ZDHHC17: variants seen among roughly 807,000 people sequenced by gnomAD.
ZDHHC17 encodes the protein palmitoyltransferase ZDHHC17.
Under a neutral mutation model 90.3 loss-of-function variants are expected in ZDHHC17, and 40 were observed. The ratio of observed to expected loss-of-function variants is 0.44; its 90% confidence interval spans 0.34 to 0.58. The LOEUF (loss-of-function observed/expected upper bound fraction) is 0.58. Among genes scored for constraint, ZDHHC17 ranks in the 20% least tolerant of loss-of-function variants. ZDHHC17 has a pLI of 0.01. For synonymous variants in ZDHHC17, 235 were observed against 252.4 expected, an observed-to-expected ratio of 0.93 and a Z score of 0.65; for missense variants, 614 against 780.8, an observed-to-expected ratio of 0.79 and a Z score of 2.55.
intron 10 of ZDHHC17, among the ~76,000 whole-genome samples, chr12:76,833,749 C>T (rs1446526279): frequency 3.3e-5 from 5 of 152,086 alleles, no homozygotes; most frequent in Non-Finnish European, 5.9e-5. Flanking sequence ...GCCGAGATTG[C>T]GCCACTGCAC....
intron 3 of ZDHHC17, among the ~76,000 whole-genome samples, chr12:76,806,130 C>G (rs889994995): frequency 6.6e-6 from 1 of 152,118 alleles, no homozygotes; most frequent in Non-Finnish European, 1.5e-5. Context: ...GGTTCTTACT[C>G]TCTCACTCAG....
In ZDHHC17 at chr12:76,797,477, C is replaced by T; in HGVS notation, c.137C>T (p.Pro46Leu). 6.2e-7 allele frequency: 1 copy of T among 1,610,858 alleles called. No individual in the cohort carries two copies. ...QSHYNHGYGE[P>L]LGRKTHIDDY... The stretch of plus-strand genomic sequence containing the variant: ...CATTATAACCATGGATATGGTGAAC[C>T]TCTTGGACGGAAAACTCATATTGAT... Residue 46 changes from proline (P) to leucine (L), a missense_variant, in exon 2 of 17, where the codon CCT becomes CTT. Around this residue, in one of 5 missense-constraint regions of ZDHHC17, gnomAD observed 358 missense variants for 380.4 expected, o/e 0.94. Transcript: ENST00000426126.
At chr12:76,782,082 C>T (rs563335469) in intron 1 of ZDHHC17, among the ~76,000 whole-genome samples, 1 of 152,120 alleles carries the variant, frequency 6.6e-6, no homozygotes, top group Non-Finnish European at 1.5e-5. Context: ...AACTTTAGCA[C>T]CTCCAGCCTA....
chr12:76,802,571 C>T (rs1386189628), intron 2 of ZDHHC17, among the ~76,000 whole-genome samples: 3 of 152,184 alleles, frequency 2.0e-5, no homozygotes, highest in Admixed American at 6.5e-5. Flanking sequence ...TGTTGTTCTA[C>T]TTAATGGTGT....
At chr12:76,828,228 A>G (rs1846188599) in intron 9 of ZDHHC17, among the ~76,000 whole-genome samples, 162 bp from the exon 10 acceptor site, 1 of 152,142 alleles carries the variant, frequency 6.6e-6, no homozygotes, top group African/African-American at 2.4e-5. Flanking sequence ...TCAGCTGTGA[A>G]CTAATTTTTA....
intron 10 of ZDHHC17, chr12:76,839,960 G>C (rs927102515): frequency 6.6e-6 from 1 of 152,144 alleles, no homozygotes. Flanking sequence ...TGGCGAGGCC[G>C]AATAGCATAG....
At chr12:76,766,132 A>G (rs893171084) in intron 1 of ZDHHC17, among the ~76,000 whole-genome samples, 4 of 152,368 alleles carry the variant, frequency 2.6e-5, no homozygotes, top group Non-Finnish European at 5.9e-5. Flanking sequence ...AATGGCCAGT[A>G]TAGGCTTGAA....
intron 6 of ZDHHC17, 59 bp downstream of exon 6, chr12:76,815,269 AAGAG>A: frequency 8.2e-7 from 1 of 1,219,638 alleles, no homozygotes; most frequent in Non-Finnish European, 1.1e-6. Flanking sequence ...AATATGAAGT[AAGAG>A]AGAGGAAAAA....
intron 1 of ZDHHC17, among the ~76,000 whole-genome samples, chr12:76,778,842 G>A (rs941712971): frequency 9.2e-5 from 14 of 152,152 alleles, no homozygotes; most frequent in Non-Finnish European, 1.9e-4. Context: ...TTAAACAATG[G>A]AAATTTTTTT....
intron 1 of ZDHHC17, among the ~76,000 whole-genome samples, chr12:76,765,811 TC>T (rs773995768): frequency 4.6e-5 from 7 of 152,086 alleles, no homozygotes; most frequent in Non-Finnish European, 1.0e-4. Flanking sequence ...AGTGATCCTC[TC>T]CCCTCAGCCT....
intron 7 of ZDHHC17, 147 bp downstream of exon 7, chr12:76,816,166 T>G: frequency 1.9e-6 from 1 of 540,526 alleles, no homozygotes; most frequent in South Asian, 7.1e-5. Context: ...CATAATACAT[T>G]TTAATAATTC....
chr12:76,772,726 T>A (rs1565756867), intron 1 of ZDHHC17, among the ~76,000 whole-genome samples: 1 of 148,724 alleles, frequency 6.7e-6, no homozygotes, highest in Non-Finnish European at 1.5e-5. Context: ...TTTTTTTTTT[T>A]AGTAGAGACA....
chr12:76,788,555 A>G (rs776568966), intron 1 of ZDHHC17, among the ~76,000 whole-genome samples: 8 of 152,188 alleles, frequency 5.3e-5, no homozygotes, highest in Non-Finnish European at 8.8e-5. Context: ...AGATTAATCT[A>G]TATATAAAAG....
chr12:76,783,855 C>G (rs1952655792), intron 1 of ZDHHC17, among the ~76,000 whole-genome samples: 1 of 152,158 alleles, frequency 6.6e-6, no homozygotes, highest in Non-Finnish European at 1.5e-5. Flanking sequence ...AACATATACA[C>G]AGAGGAGAAG....
At chr12:76,784,974 G>A (rs1952668680) in intron 1 of ZDHHC17, among the ~76,000 whole-genome samples, 1 of 152,198 alleles carries the variant, frequency 6.6e-6, no homozygotes, top group Non-Finnish European at 1.5e-5. Context: ...GAGAAGGCTA[G>A]CCAAAGCTTT....
At chr12:76,831,647 G>T (rs908374140) in intron 10 of ZDHHC17, among the ~76,000 whole-genome samples, 5 of 151,912 alleles carry the variant, frequency 3.3e-5, no homozygotes, top group Admixed American at 1.3e-4. Flanking sequence ...ACTGTGCCTG[G>T]CCTGTGGTTT....
intron 1 of ZDHHC17, chr12:76,769,202 G>A (rs188114975): frequency 4.7e-6 from 1 of 210,634 alleles, no homozygotes. Flanking sequence ...GGGATTACAG[G>A]TGCCTGCCAC....
At chr12:76,834,208 T>A (rs1222334698) in intron 10 of ZDHHC17, among the ~76,000 whole-genome samples, 10 of 152,180 alleles carry the variant, frequency 6.6e-5, no homozygotes, top group Non-Finnish European at 1.2e-4. Context: ...TATTTATTTT[T>A]AAAAATTTTT....
intron 1 of ZDHHC17, among the ~76,000 whole-genome samples, chr12:76,793,686 G>A (rs894951742): frequency 6.6e-6 from 1 of 152,138 alleles, no homozygotes; most frequent in Non-Finnish European, 1.5e-5. Flanking sequence ...CCCTAGGTAG[G>A]GGAGTGGCGG....
Sources: gnomAD v4.1 joint callset for allele counts (sites outside exome capture counted in the v4.1 genomes callset) on GRCh38, gnomAD v4.1.1 for gene constraint, gnomAD v4.1.1 regional missense constraint, MANE v1.5 for transcripts, NCBI Gene and HGNC (gene_info 2026-07-23, HGNC 2026-07-21) for gene names.